The following SH3GL3 variants were observed in gnomAD, a reference collection of about 807,000 sequenced individuals.
SH3GL3 encodes the protein endophilin-A3.
A neutral mutation model predicts 47.7 loss-of-function variants in SH3GL3; 33 were observed. The observed-to-expected ratio is 0.69, with a 90% confidence interval of 0.52 to 0.92. SH3GL3 has a LOEUF of 0.92. Among genes scored for constraint, SH3GL3 ranks in the 40% least tolerant of loss-of-function variants. The probability of loss-of-function intolerance (pLI) is 0.00; values close to 1 mark genes in which losing one functional copy is unlikely to be tolerated. For missense variants in SH3GL3, 363 were observed against 417.8 expected (o/e 0.87, Z 1.14); for synonymous variants, 155 against 148.8 (o/e 1.04, Z -0.30).
rs1396382626 is a variant in SH3GL3, at chr15:83,448,920, C to T, written c.45+1342C>T. On this transcript the variant is annotated intron_variant, in intron 1 of 8. Coordinates refer to ENST00000427482, the MANE Select transcript of SH3GL3 (RefSeq NM_003027.5). This position sits in a 1 kb window ranked among gnomAD's most constrained non-coding sequence, Gnocchi z 4.2. The stretch of plus-strand genomic sequence containing the variant: ...GGTGAGGGTGGAGATGATGGATTCA[C>T]CACTGAACCCAGGGACTTTGAGGGG... 1.3e-5 allele frequency among the ~76,000 whole-genome samples: 2 copies of T among 152,120 alleles called. No individual in the cohort carries two copies. Among genetic ancestry groups the T allele is most frequent in the Non-Finnish European group, 2.9e-5 (2 of 68,024 alleles).
At chr15:83,544,623 A>T (rs576621338) in intron 1 of SH3GL3, among the ~76,000 whole-genome samples, 1 of 152,132 alleles carries the variant, frequency 6.6e-6, no homozygotes, top group Non-Finnish European at 1.5e-5. Context: ...CTTATTGCTC[A>T]TTAATGTTCT....
chr15:83,588,700 A>T lies in SH3GL3; in HGVS notation c.767A>T (p.Lys256Met), dbSNP rs766169231. The T allele has an allele frequency of 6.8e-6, 11 of 1,612,668 alleles. No individual in the cohort carries two copies. Among genetic ancestry groups the T allele is most frequent in the Non-Finnish European group, 9.3e-6 (11 of 1,178,646 alleles). ...TCCAGTGTCCCCAGACGAGAATACA[A>T]GCCAAGGCCTGTGAAAAGGAGTTCT... ...AASSVPRREY[K>M]PRPVKRSSSE... The change falls in exon 8 of 9, where the codon AAG (lysine) becomes ATG (methionine). Residue 256 changes from lysine to methionine, a missense_variant. Physicochemically the swap from Lys to Met is moderately conservative, Grantham distance 95 (BLOSUM62 -1). Transcript: ENST00000427482.
intron 8 of SH3GL3, chr15:83,611,396 T>G (rs1306023862): frequency 6.6e-6 from 1 of 152,156 alleles, no homozygotes; most frequent in East Asian, 1.9e-4. Context: ...CCACCTCTGC[T>G]CTCACGTTTC....
chr15:83,581,189 A>G (rs2059819323), intron 6 of SH3GL3, among the ~76,000 whole-genome samples: 1 of 152,220 alleles, frequency 6.6e-6, no homozygotes, highest in East Asian at 1.9e-4. Context: ...GAGAACCCTG[A>G]CTGGAGTTAA....
chr15:83,544,370 C>T (rs1054040873), intron 1 of SH3GL3, among the ~76,000 whole-genome samples: 1 of 151,914 alleles, frequency 6.6e-6, no homozygotes, highest in Non-Finnish European at 1.5e-5. Context: ...TCAGAGAAGA[C>T]ACTTGATATG....
chr15:83,492,400 C>T (rs2041913343), intron 1 of SH3GL3, among the ~76,000 whole-genome samples: 1 of 151,156 alleles, frequency 6.6e-6, no homozygotes, highest in Admixed American at 6.6e-5. Context: ...TGCCACACCA[C>T]ATTTCTTCAG....
At chr15:83,502,465 G>T (rs1596123748) in intron 1 of SH3GL3, among the ~76,000 whole-genome samples, 1 of 152,366 alleles carries the variant, frequency 6.6e-6, no homozygotes, top group Middle Eastern at 3.4e-3. Context: ...CCAGGAATAG[G>T]ATGTAATGCC....
rs71156085 is a variant in SH3GL3, at chr15:83,541,312, A to ATTTTTTT, written c.46-17908_46-17902dup. Among the ~76,000 whole-genome samples the ATTTTTTT allele has an allele frequency of 8.0e-3, 380 of 47,348 alleles. 123 individuals carry two copies. Among genetic ancestry groups the ATTTTTTT allele is most frequent in the East Asian group, 0.064 (69 of 1,086 alleles). The allele number at this position is 47,348 out of a possible 152,430, so 31.1% of individuals were successfully genotyped here. On this transcript the variant is annotated intron_variant, in intron 1 of 8. Coordinates refer to ENST00000427482, the MANE Select transcript of SH3GL3 (RefSeq NM_003027.5). The stretch of plus-strand genomic sequence containing the variant: ...GATGGCTGGATCATATGGTAATTCT[A>ATTTTTTT]TTTTTTTTTTTTTTTTTTTTTTTTT...
At chr15:83,456,639 G>GAA (rs1253467971) in intron 1 of SH3GL3, among the ~76,000 whole-genome samples, 1 of 138,024 alleles carries the variant, frequency 7.2e-6, no homozygotes, top group Non-Finnish European at 1.6e-5. Context: ...CGCTTCCCAG[G>GAA]TGAGGCAATG....
intron 8 of SH3GL3, among the ~76,000 whole-genome samples, chr15:83,610,394 G>A (rs556431817): frequency 7.7e-4 from 117 of 152,194 alleles, no homozygotes; most frequent in African/African-American, 2.5e-3. Context: ...AAAATTATCC[G>A]GGCATGATGG....
In SH3GL3 at chr15:83,448,533, T is replaced by A. The variant is rs573618048; in HGVS notation, c.45+955T>A. ...CATCAACATTGCAGGCTCTTCCAGCTATGGCAGAGCTCACGTTGTAAAACC... is the reference window on the plus strand; with the variant it reads ...CATCAACATTGCAGGCTCTTCCAGCAATGGCAGAGCTCACGTTGTAAAACC... On this transcript the variant is annotated intron_variant, in intron 1 of 8. Transcript: ENST00000427482. This position sits in a 1 kb window ranked among gnomAD's most constrained non-coding sequence, Gnocchi z 4.2. 6.6e-6 allele frequency among the ~76,000 whole-genome samples: 1 copy of A among 151,586 alleles called. No individual in the cohort carries two copies. Among genetic ancestry groups the A allele is most frequent in the East Asian group, 1.9e-4 (1 of 5,134 alleles).
intron 1 of SH3GL3, among the ~76,000 whole-genome samples, chr15:83,470,821 CAT>C (rs766228959): frequency 6.6e-6 from 1 of 152,076 alleles, no homozygotes; most frequent in Admixed American, 6.6e-5. Flanking sequence ...TGGCTGTTCA[CAT>C]GTGTGTGTAT....
intron 2 of SH3GL3, among the ~76,000 whole-genome samples, chr15:83,564,205 A>C (rs1287731749): frequency 2.0e-5 from 3 of 152,146 alleles, no homozygotes; most frequent in Non-Finnish European, 4.4e-5. Flanking sequence ...TATAGTATGA[A>C]GACTCACTTT....
intron 6 of SH3GL3, among the ~76,000 whole-genome samples, chr15:83,579,208 GTA>G (rs2059766323): frequency 6.6e-6 from 1 of 152,242 alleles, no homozygotes; most frequent in African/African-American, 2.4e-5. Context: ...CCCAGCAGAA[GTA>G]AGAGCTGGTT....
chr15:83,523,083 T>A (rs2043275372), intron 1 of SH3GL3, among the ~76,000 whole-genome samples: 1 of 152,248 alleles, frequency 6.6e-6, no homozygotes, highest in South Asian at 2.1e-4. Flanking sequence ...CAAGGACATA[T>A]CTTGTGAAGG....
Position 83,514,014 on chromosome 15 carries a change from T to A in SH3GL3, c.46-45239T>A, listed in dbSNP as rs564852314. ...TTTTTTCCATGCTTTGTTCTTTCCA[T>A]CTGTGCTGTTCAGTAGCTAGTTTCA... is the stretch of plus-strand genomic sequence containing the variant. On this transcript the variant is annotated intron_variant, in intron 1 of 8. Coordinates refer to ENST00000427482, the MANE Select transcript of SH3GL3 (RefSeq NM_003027.5). Among the ~76,000 whole-genome samples the A allele has an allele frequency of 5.9e-5, 9 of 152,328 alleles. No individual in the cohort carries two copies. In the South Asian group the frequency reaches 8.3e-4, roughly 14 times the overall value.
intron 1 of SH3GL3, among the ~76,000 whole-genome samples, chr15:83,477,944 A>G (rs1328834597): frequency 6.6e-6 from 1 of 152,198 alleles, no homozygotes; most frequent in Non-Finnish European, 1.5e-5. Flanking sequence ...CTTAGGTAAA[A>G]GAGGATATAA....
At chr15:83,511,704 A>G (rs1438068764) in intron 1 of SH3GL3, among the ~76,000 whole-genome samples, 5 of 152,146 alleles carry the variant, frequency 3.3e-5, no homozygotes, top group Non-Finnish European at 7.4e-5. Context: ...CTTTGTCTCC[A>G]GGATCACATT....
intron 1 of SH3GL3, among the ~76,000 whole-genome samples, chr15:83,457,637 A>T (rs1280476342): frequency 3.3e-5 from 5 of 152,250 alleles, no homozygotes; most frequent in Non-Finnish European, 7.3e-5. Flanking sequence ...AGAGAAAGAT[A>T]AAATGCACTT....
Sources: allele counts gnomAD v4.1 joint callset (sites outside exome capture counted in the v4.1 genomes callset), GRCh38; gene constraint gnomAD v4.1.1; non-coding constraint Gnocchi (gnomAD v3.1); transcripts MANE v1.5; gene names NCBI Gene and HGNC (gene_info 2026-07-23, HGNC 2026-07-21).